The following CHERP variants were observed in gnomAD, a reference collection of about 807,000 sequenced individuals.
CHERP encodes ERPROT 213-21.
A neutral mutation model predicts 113.8 loss-of-function variants in CHERP; 8 were observed. The observed-to-expected ratio is 0.07, with a 90% CI of 0.04 to 0.13. The LOEUF (loss-of-function observed/expected upper bound fraction) is 0.13, where lower values mean the gene tolerates loss of function less well. CHERP is among the 10% of genes least tolerant of loss of function. CHERP has a pLI of 1.00. For synonymous variants in CHERP, 559 were observed against 524.5 expected (o/e 1.07, Z -0.90); for missense variants, 884 against 1,298.2 (o/e 0.68, Z 4.90).
At chr19:16,541,680 C>A in intron 2 of CHERP, 190 bp downstream of exon 2, 1 of 586,304 alleles carries the variant, frequency 1.7e-6, no homozygotes, top group South Asian at 2.4e-5. Context: ...TCGTTGTTCT[C>A]CATTACAGTG....
At chr19:16,540,810 G>A (rs976400383) in intron 2 of CHERP, among the ~76,000 whole-genome samples, 1 of 151,264 alleles carries the variant, frequency 6.6e-6, no homozygotes, top group Non-Finnish European at 1.5e-5. Context: ...CGATTCTCCC[G>A]CCTCAGCCTC....
At position 16,529,871 on chromosome 19, in the gene CHERP, C is replaced by T. The variant is rs1599750831; in HGVS notation, c.906G>A (p.Val302=). ...QATLINEYSS[V]VQPVQLAFQQ... ...GGAAGGCCAGCTGCACCGGCTGGAC[C>T]ACTGAGGAGTACTCGTTGATGAGGG... is the stretch of plus-strand genomic sequence containing the variant. The change falls in exon 8 of 17, where the codon GTG becomes GTA. Residue 302 remains valine, a synonymous_variant. Transcript: ENST00000546361. The T allele has an allele frequency of 1.2e-6, 2 of 1,613,648 alleles. No individual in the cohort carries two copies. The highest frequency in any genetic ancestry group is 2.2e-5 in the East Asian group (1 of 44,878).
chr19:16,531,718 G>C (rs971234906), intron 5 of CHERP, among the ~76,000 whole-genome samples: 10 of 152,224 alleles, frequency 6.6e-5, no homozygotes, highest in Non-Finnish European at 1.3e-4. Flanking sequence ...GCATGAGGAG[G>C]AGCAGAAGGG....
rs900876108 is a variant in CHERP, at chr19:16,530,023, C to T, written c.877-123G>A. ...GACCTGGGGCAGGTGGACAGGGAAC[C>T]GTCACGTGAAACAGCCAACACAGTC... On this transcript the variant is annotated intron_variant, in intron 7 of 16. Coordinates refer to ENST00000546361, the MANE Select transcript of CHERP (RefSeq NM_006387.6). This position sits in a 1 kb window ranked among gnomAD's most constrained non-coding sequence, Gnocchi z 4.1. 51 of 1,303,686 alleles carry T rather than the reference C, an allele frequency of 3.9e-5. No individual in the cohort carries two copies. The highest frequency in any genetic ancestry group is 1.2e-4 in the African/African-American group (8 of 68,096). The allele number at this position is 1,303,686 out of a possible 1,614,324, so 80.8% of individuals were successfully genotyped here. A position where few individuals can be genotyped will look rare whatever the true frequency, so the allele number is the denominator to read the frequency against.
At chr19:16,522,492 C>G (rs923124734) in intron 11 of CHERP, among the ~76,000 whole-genome samples, 9 of 152,310 alleles carry the variant, frequency 5.9e-5, no homozygotes, top group Admixed American at 2.0e-4. Flanking sequence ...ATCTCCTGAC[C>G]TCGTGATCCG....
chr19:16,531,880 C>T (rs1221927528), intron 5 of CHERP: 3 of 152,210 alleles, frequency 2.0e-5, no homozygotes, highest in Non-Finnish European at 4.4e-5. Flanking sequence ...ACACGAGGCG[C>T]CAGGCCAGGA....
chr19:16,532,748 G>A lies in CHERP; in HGVS notation c.524C>T (p.Ala175Val). The A allele has an allele frequency of 6.2e-7, 1 of 1,604,744 alleles. No individual in the cohort carries two copies. Among genetic ancestry groups the A allele is most frequent in the Non-Finnish European group, 8.5e-7 (1 of 1,173,868 alleles). ...ATTGCTGAACATCCAGTTCTTCCCGGCCTGCAACAACCGAGCCAATGACGA... is the reference window on the plus strand; with the variant it reads ...ATTGCTGAACATCCAGTTCTTCCCGACCTGCAACAACCGAGCCAATGACGA... ...IDTCTKDAIS[A>V]GKNWMFSNAK... The change falls in exon 5 of 17, where the codon GCC becomes GTC. Residue 175 changes from alanine (A) to valine (V), a missense_variant and splice_region_variant. By Grantham distance (64) the Ala-to-Val change is moderately conservative (BLOSUM62 0). Around this residue, in one of 8 missense-constraint regions of CHERP, gnomAD observed 73 missense variants for 182.4 expected, o/e 0.40. Transcript: ENST00000546361. This position sits in a 1 kb window ranked among gnomAD's most constrained non-coding sequence, Gnocchi z 4.4.
intron 2 of CHERP, 191 bp downstream of exon 2, chr19:16,541,678 CT>C: frequency 1.8e-6 from 1 of 556,168 alleles, no homozygotes; most frequent in South Asian, 2.8e-5. Flanking sequence ...CCTCGTTGTT[CT>C]CCATTACAGT....
chr19:16,521,126 C>A, intron 12 of CHERP: 1 of 603,520 alleles, frequency 1.7e-6, no homozygotes, highest in Non-Finnish European at 3.0e-6. Context: ...GCCCTTGCCA[C>A]CCTGCTGTTC....
chr19:16,520,948 C>T lies in CHERP; in HGVS notation c.2115-36G>A, dbSNP rs2085608223. ...CGGCATTCCGTGTGTGACCACGTGA[C>T]ACCCACCCACAAGGAAGTCGTGAAA... On this transcript the variant is annotated intron_variant, in intron 12 of 16. Transcript: ENST00000546361. The surrounding 1 kb of genome is among the most constrained non-coding windows in gnomAD (Gnocchi z 4.0). 1 of 1,561,872 alleles carries T rather than the reference C, an allele frequency of 6.4e-7. No individual in the cohort carries two copies. Among genetic ancestry groups the T allele is most frequent in the Non-Finnish European group, 8.8e-7 (1 of 1,133,628 alleles).
intron 9 of CHERP, among the ~76,000 whole-genome samples, chr19:16,527,559 C>T (rs556405238): frequency 2.0e-5 from 3 of 152,330 alleles, no homozygotes; most frequent in East Asian, 1.9e-4. Flanking sequence ...GGACCCAGCA[C>T]GCTGCAGGGC....
At chr19:16,527,945 A>T in intron 9 of CHERP, 135 bp downstream of exon 9, 1 of 894,960 alleles carries the variant, frequency 1.1e-6, no homozygotes, top group Non-Finnish European at 1.7e-6. Context: ...TCACTAACCC[A>T]GCATAAGCTC....
rs2085576156 is a variant in CHERP at position 16,518,863 on chromosome 19, ATT to A, written c.*294_*295del. 9.9e-6 allele frequency: 4 copies of A among 402,354 alleles called. No individual in the cohort carries two copies. Among genetic ancestry groups the A allele is most frequent in the South Asian group, 2.7e-5 (1 of 37,460 alleles). 24.9% of individuals were successfully genotyped at this position (402,354 alleles called of 1,614,324 possible). A position where few individuals can be genotyped will look rare whatever the true frequency, so the allele number is the denominator to read the frequency against. On this transcript the variant is annotated 3_prime_UTR_variant, in exon 17 of 17. Coordinates refer to ENST00000546361, the MANE Select transcript of CHERP (RefSeq NM_006387.6). ...ACATCCATCCCTTCGTGGCTGAAGA[ATT>A]TACTCGGGCGGAGGGTCTTGTGTTT...
Position 16,519,089 on chromosome 19 carries a change from T to A in CHERP, c.*70A>T, listed in dbSNP as rs1310070898. 1 of 1,396,972 alleles carries A rather than the reference T, an allele frequency of 7.2e-7. No individual in the cohort carries two copies. The allele number at this position is 1,396,972 out of a possible 1,614,324, so 86.5% of individuals were successfully genotyped here. ...AACTGAGCTGTCACTGCAATCTTCC[T>A]CTGCCAGTCAGCCAGGAAGGTCCCA... On this transcript the variant is annotated 3_prime_UTR_variant, in exon 17 of 17. Transcript: ENST00000546361. The surrounding 1 kb of genome is among the most constrained non-coding windows in gnomAD (Gnocchi z 6.0).
chr19:16,519,967 C>A lies in CHERP; in HGVS notation c.2462+182G>T, dbSNP rs1253510336. On this transcript the variant is annotated intron_variant, in intron 15 of 16. Transcript: ENST00000546361. The surrounding 1 kb of genome is among the most constrained non-coding windows in gnomAD (Gnocchi z 6.0). ...CCAGATGGTGGTTAGAAAGCAGACC[C>A]CAGTTACTGCCTCAGGCTTCGCCAA... The A allele has an allele frequency of 4.3e-6, 3 of 701,882 alleles. No homozygotes were observed. In the African/African-American group the frequency reaches 5.4e-5, roughly 13 times the overall value. The allele number at this position is 701,882 out of a possible 1,614,324, so 43.5% of individuals were successfully genotyped here. A position where few individuals can be genotyped will look rare whatever the true frequency, so the allele number is the denominator to read the frequency against.
At chr19:16,533,229 C>G in intron 3 of CHERP, 81 bp from the exon 4 acceptor site, 2 of 1,414,786 alleles carry the variant, frequency 1.4e-6, no homozygotes, top group Admixed American at 4.2e-5. Context: ...TCAGCAGGGG[C>G]GGGGTGGGGA....
intron 2 of CHERP, among the ~76,000 whole-genome samples, chr19:16,539,145 G>A (rs1028363252): frequency 2.0e-5 from 3 of 148,490 alleles, no homozygotes; most frequent in Non-Finnish European, 3.0e-5. Context: ...CTTTAGAAAC[G>A]GTTTTTTTTT....
Position 16,525,363 on chromosome 19 carries a change from G to C in CHERP, c.1620C>G (p.His540Gln). 6.7e-7 allele frequency: 1 copy of C among 1,492,898 alleles called. No individual in the cohort carries two copies. Among genetic ancestry groups the C allele is most frequent in the Non-Finnish European group, 8.9e-7 (1 of 1,121,388 alleles). The allele number at this position is 1,492,898 out of a possible 1,614,324, so 92.5% of individuals were successfully genotyped here. ...QQHPQFNQPP[H>Q]PHNFNRFPPR... ...GCGGGAAGCGGTTGAAGTTGTGGGGGTGCGGAGGCTGGTTGAACTGCGGGT... is the reference window on the plus strand; with the variant it reads ...GCGGGAAGCGGTTGAAGTTGTGGGGCTGCGGAGGCTGGTTGAACTGCGGGT... The change falls in exon 10 of 17, where the codon CAC becomes CAG. Residue 540 changes from histidine to glutamine, a missense_variant. Coordinates refer to ENST00000546361, the MANE Select transcript of CHERP (RefSeq NM_006387.6). The surrounding 1 kb of genome is among the most constrained non-coding windows in gnomAD (Gnocchi z 6.5).
Position 16,519,566 on chromosome 19 carries a change from C to CG in CHERP, c.2557+54dup. On this transcript the variant is annotated intron_variant, in intron 16 of 16. Coordinates refer to ENST00000546361, the MANE Select transcript of CHERP (RefSeq NM_006387.6). The surrounding 1 kb of genome is among the most constrained non-coding windows in gnomAD (Gnocchi z 6.0). ...AGGAAGAGAAAGCGCTGGTGACTCC[C>CG]GGGCCCAGCACGCGTGAGGACCCAT... 1 of 1,493,736 alleles carries CG rather than the reference C, an allele frequency of 6.7e-7. No individual in the cohort carries two copies. Among genetic ancestry groups the CG allele is most frequent in the Middle Eastern group, 1.9e-4 (1 of 5,240 alleles). The allele number at this position is 1,493,736 out of a possible 1,614,324, so 92.5% of individuals were successfully genotyped here.
Sources: allele counts gnomAD v4.1 joint callset (sites outside exome capture counted in the v4.1 genomes callset), GRCh38; gene constraint gnomAD v4.1.1; regional missense constraint gnomAD v4.1.1; non-coding constraint Gnocchi (gnomAD v3.1); transcripts MANE v1.5; gene names NCBI Gene and HGNC (gene_info 2026-07-23, HGNC 2026-07-21).